Variants in CSGALNACT1 observed in about 807,000 individuals in gnomAD.
CSGALNACT1 encodes the protein chondroitin sulfate N-acetylgalactosaminyltransferase 1.
In CSGALNACT1, 52 loss-of-function variants were observed where a neutral mutation model predicts 51.0. The ratio of observed to expected loss-of-function variants is 1.02; its 90% CI spans 0.82 to 1.29. CSGALNACT1 has a LOEUF of 1.29. CSGALNACT1 is among the 50% of genes most tolerant of loss of function. CSGALNACT1 has a pLI of 0.00. For synonymous variants in CSGALNACT1, 341 were observed against 254.4 expected (o/e 1.34, Z -3.24); for missense variants, 935 against 679.2 (o/e 1.38, Z -4.19).
At chr8:19,496,265 C>A (rs777795888) in intron 4 of CSGALNACT1, among the ~76,000 whole-genome samples, 1 of 152,198 alleles carries the variant, frequency 6.6e-6, no homozygotes, top group Non-Finnish European at 1.5e-5. Flanking sequence ...AAATCACCAC[C>A]ATAGAACACA....
Position 19,458,333 on chromosome 8 carries a change from T to C in CSGALNACT1, c.851+93A>G, listed in dbSNP as rs1223279879. 3.8e-6 allele frequency: 4 copies of C among 1,055,144 alleles called. No individual in the cohort carries two copies. In the Admixed American group the frequency reaches 5.1e-5, roughly 13 times the overall value. The allele number at this position is 1,055,144 out of a possible 1,614,324, so 65.4% of individuals were successfully genotyped here. A position where few individuals can be genotyped will look rare whatever the true frequency, so the allele number is the denominator to read the frequency against. ...GAATAAGAGAAAGGAGGCTTTGTAC[T>C]CGGCAGGGGAAATGAAGGAGATGAC... On this transcript the variant is annotated intron_variant, in intron 5 of 9. Coordinates refer to ENST00000454498, the Ensembl canonical transcript of CSGALNACT1.
intron 1 of CSGALNACT1, among the ~76,000 whole-genome samples, chr8:19,756,858 C>G (rs1192275049): frequency 6.6e-6 from 1 of 152,130 alleles, no homozygotes; most frequent in Non-Finnish European, 1.5e-5. Flanking sequence ...ACGAGAAACG[C>G]TGGTGAAGCC....
chr8:19,530,248 A>C (rs1563920277), intron 3 of CSGALNACT1, among the ~76,000 whole-genome samples: 1 of 151,428 alleles, frequency 6.6e-6, no homozygotes, highest in East Asian at 1.9e-4. Flanking sequence ...AAAACAAAAC[A>C]AAACAAAAAA....
At chr8:19,442,938 C>G (rs1000806859) in intron 5 of CSGALNACT1, among the ~76,000 whole-genome samples, 2 of 152,252 alleles carry the variant, frequency 1.3e-5, no homozygotes, top group Admixed American at 6.5e-5. Context: ...CAAGGCAGAA[C>G]AGTCACTGAA....
At chr8:19,482,462 C>T (rs1247825443) in intron 4 of CSGALNACT1, among the ~76,000 whole-genome samples, 2 of 152,118 alleles carry the variant, frequency 1.3e-5, no homozygotes, top group African/African-American at 4.8e-5. Context: ...TCCAGGCCAG[C>T]AATGACTTCT....
intron 2 of CSGALNACT1, among the ~76,000 whole-genome samples, chr8:19,592,841 A>T (rs1259399406): frequency 6.6e-6 from 1 of 152,218 alleles, no homozygotes; most frequent in African/African-American, 2.4e-5. Flanking sequence ...AGTAAAGAAC[A>T]CATAAGTTCT....
intron 3 of CSGALNACT1, among the ~76,000 whole-genome samples, chr8:19,541,765 T>C (rs1459177968): frequency 6.6e-6 from 1 of 151,962 alleles, no homozygotes; most frequent in African/African-American, 2.4e-5. Context: ...AAGCTTTCAG[T>C]GTTTATCTTA....
intron 1 of CSGALNACT1, among the ~76,000 whole-genome samples, chr8:19,624,427 G>C (rs1480114196): frequency 6.6e-6 from 1 of 152,030 alleles, no homozygotes; most frequent in East Asian, 1.9e-4. Context: ...AAAGCATTTA[G>C]AACATAGAAC....
intron 1 of CSGALNACT1, among the ~76,000 whole-genome samples, chr8:19,694,309 C>G (rs1276943905): frequency 6.6e-6 from 1 of 152,124 alleles, no homozygotes; most frequent in Non-Finnish European, 1.5e-5. Flanking sequence ...GTAGTAAGTA[C>G]AGTATAATGA....
At chr8:19,477,067 A>G (rs985833014) in intron 4 of CSGALNACT1, among the ~76,000 whole-genome samples, 1 of 152,252 alleles carries the variant, frequency 6.6e-6, no homozygotes, top group Non-Finnish European at 1.5e-5. Flanking sequence ...AATAACTGGA[A>G]CACATGTAAT....
Position 19,715,025 on chromosome 8 carries a change from C to G in CSGALNACT1, c.-297+42825G>C, listed in dbSNP as rs140050063. Reference sequence around the variant, plus strand: ...GCTGCTGATAAAGACATACCTAAGACTGGGAAGAAAAAGAGGTTTAATTGG... The same window carrying G: ...GCTGCTGATAAAGACATACCTAAGAGTGGGAAGAAAAAGAGGTTTAATTGG... On this transcript the variant is annotated intron_variant, in intron 1 of 1. Transcript: ENST00000517494. Among the ~76,000 whole-genome samples the G allele has an allele frequency of 1.9e-3, 291 of 152,206 alleles. 3 individuals carry two copies. The highest frequency in any genetic ancestry group is 6.3e-3 in the African/African-American group (262 of 41,526).
At chr8:19,535,826 T>C (rs1587986388) in intron 3 of CSGALNACT1, among the ~76,000 whole-genome samples, 1 of 152,152 alleles carries the variant, frequency 6.6e-6, no homozygotes, top group East Asian at 1.9e-4. Context: ...AGAGGGAATT[T>C]CCTCCACTGG....
At chr8:19,734,649 T>C (rs1012569160) in intron 1 of CSGALNACT1, among the ~76,000 whole-genome samples, 16 of 152,326 alleles carry the variant, frequency 1.1e-4, no homozygotes, top group African/African-American at 3.8e-4. Context: ...ACTCTTCTCT[T>C]CTTCTATTAG....
chr8:19,686,642 A>G (rs2060994240), upstream of CSGALNACT1, among the ~76,000 whole-genome samples: 2 of 152,240 alleles, frequency 1.3e-5, no homozygotes, highest in Non-Finnish European at 2.9e-5. Context: ...CATTGGCCAC[A>G]TAGAACTTCA....
intron 3 of CSGALNACT1, among the ~76,000 whole-genome samples, chr8:19,562,556 A>T (rs755506030): frequency 3.3e-5 from 5 of 152,128 alleles, no homozygotes; most frequent in Non-Finnish European, 5.9e-5. Context: ...CAACTTATCC[A>T]TCTGACAAAG....
upstream of CSGALNACT1, among the ~76,000 whole-genome samples, chr8:19,606,643 C>T (rs577108170): frequency 6.6e-6 from 1 of 152,340 alleles, no homozygotes; most frequent in South Asian, 2.1e-4. Context: ...GATGCAGACT[C>T]AACGGAAACA....
intron 1 of CSGALNACT1, among the ~76,000 whole-genome samples, chr8:19,613,207 T>C (rs1220816138): frequency 6.6e-6 from 1 of 152,190 alleles, no homozygotes; most frequent in African/African-American, 2.4e-5. Context: ...TTTATTTCTA[T>C]TCTGTATTTT....
chr8:19,549,398 G>C (rs2087337169), intron 3 of CSGALNACT1, among the ~76,000 whole-genome samples: 1 of 151,776 alleles, frequency 6.6e-6, no homozygotes, highest in Non-Finnish European at 1.5e-5. Context: ...TTTTCATTTG[G>C]TTGATTTCTC....
intron 3 of CSGALNACT1, among the ~76,000 whole-genome samples, chr8:19,549,727 G>C (rs2087472764): frequency 6.9e-6 from 1 of 145,484 alleles, no homozygotes. Flanking sequence ...AAAGGGTGCA[G>C]AGGAGGCTAA....
Sources: allele counts gnomAD v4.1 joint callset (sites outside exome capture counted in the v4.1 genomes callset), GRCh38; gene constraint gnomAD v4.1.1; transcripts MANE v1.5; gene names NCBI Gene and HGNC (gene_info 2026-07-23, HGNC 2026-07-21).